Variants in PTPN3 observed in about 807,000 individuals in gnomAD.
PTPN3 encodes the protein tyrosine-protein phosphatase non-receptor type 3.
In PTPN3, 96 loss-of-function variants were observed where a neutral mutation model predicts 132.7. That is an observed-to-expected ratio of 0.72 (90% CI 0.61 to 0.86). The LOEUF (loss-of-function observed/expected upper bound fraction) is 0.86, where lower values mean the gene tolerates loss of function less well. Ranked by LOEUF, PTPN3 falls within the 40% of genes least tolerant of loss-of-function variation. PTPN3 has a pLI of 0.00. For missense variants in PTPN3, 1,125 were observed against 1,159.6 expected, an observed-to-expected ratio of 0.97 and a Z score of 0.43; for synonymous variants, 398 against 429.0, an observed-to-expected ratio of 0.93 and a Z score of 0.89.
chr9:109,474,704 C>T (rs375631723), intron 1 of PTPN3, among the ~76,000 whole-genome samples: 2 of 152,084 alleles, frequency 1.3e-5, no homozygotes, highest in East Asian at 1.9e-4. Flanking sequence ...GAAATCTTAG[C>T]GAAATCTCAG....
intron 25 of PTPN3, among the ~76,000 whole-genome samples, chr9:109,381,051 A>C (rs1839033906): frequency 6.6e-6 from 1 of 152,138 alleles, no homozygotes; most frequent in South Asian, 2.1e-4. Context: ...GATGGTCCCC[A>C]TTTTGCACAG....
intron 12 of PTPN3, among the ~76,000 whole-genome samples, chr9:109,423,629 T>C (rs906916505): frequency 2.6e-5 from 4 of 152,016 alleles, no homozygotes; most frequent in African/African-American, 9.7e-5. Flanking sequence ...TTATACAGAG[T>C]TTCAGGCTAC....
intron 1 of PTPN3, among the ~76,000 whole-genome samples, chr9:109,494,843 T>C (rs1314435980): frequency 6.6e-6 from 1 of 152,122 alleles, no homozygotes; most frequent in Non-Finnish European, 1.5e-5. Flanking sequence ...TGGTAGAGAC[T>C]CAATAAATGT....
chr9:109,491,190 A>G (rs1269733194), intron 1 of PTPN3, among the ~76,000 whole-genome samples: 2 of 140,386 alleles, frequency 1.4e-5, no homozygotes, highest in African/African-American at 5.4e-5. Flanking sequence ...AGTGAGGGAC[A>G]CTCTCTCTCA....
intron 10 of PTPN3, 150 bp downstream of exon 10, chr9:109,432,923 T>C (rs985231063): frequency 7.4e-6 from 10 of 1,360,488 alleles, no homozygotes; most frequent in Middle Eastern, 5.0e-4. Context: ...GTACCAAATC[T>C]GGACCAAATT....
intron 1 of PTPN3, among the ~76,000 whole-genome samples, chr9:109,493,326 C>T (rs1847541086): frequency 1.3e-5 from 2 of 152,228 alleles, no homozygotes; most frequent in Non-Finnish European, 1.5e-5. Context: ...GTGGTTACTT[C>T]ATCTCTCTGA....
chr9:109,461,803 C>T (rs2132043275), intron 2 of PTPN3, among the ~76,000 whole-genome samples: 1 of 151,994 alleles, frequency 6.6e-6, no homozygotes, highest in South Asian at 2.1e-4. Context: ...TTCAAATGTC[C>T]AATTGCCACA....
intron 24 of PTPN3, 44 bp downstream of exon 24, chr9:109,382,258 A>G (rs1839166305): frequency 1.3e-6 from 2 of 1,599,752 alleles, no homozygotes; most frequent in African/African-American, 2.7e-5. Flanking sequence ...GCCTTTTCCG[A>G]CAGGGAAAGG....
upstream of PTPN3, among the ~76,000 whole-genome samples, chr9:109,498,700 A>G (rs1003032660): frequency 1.3e-5 from 2 of 152,174 alleles, no homozygotes; most frequent in African/African-American, 2.4e-5. This position sits in a 1 kb window ranked among gnomAD's most constrained non-coding sequence, Gnocchi z 4.2. Context: ...CCTTGGCACT[A>G]GTAAGCTTCC....
rs1019640463 is a variant in PTPN3 at position 109,377,934 on chromosome 9, G to C, written c.*1622C>G. 3 of 152,212 alleles carry C rather than the reference G, an allele frequency of 2.0e-5. No individual in the cohort carries two copies. Among genetic ancestry groups the C allele is most frequent in the African/African-American group, 7.2e-5 (3 of 41,526 alleles). 9.4% of individuals were successfully genotyped at this position (152,212 alleles called of 1,614,324 possible). ...TGGTGGTTTCTTGTTTTCAATATGG[G>C]GTTATGGTACTGTGTGACATCTCCC... is the stretch of plus-strand genomic sequence containing the variant. On this transcript the variant is annotated 3_prime_UTR_variant, in exon 26 of 26. Coordinates refer to ENST00000374541, the MANE Select transcript of PTPN3 (RefSeq NM_002829.4).
In PTPN3 at chr9:109,379,466, TG is replaced by T; in HGVS notation, c.*89del. On this transcript the variant is annotated 3_prime_UTR_variant, in exon 26 of 26. Transcript: ENST00000374541. ...GTGCCCATTCCTTTCCCACAGCTAC[TG>T]GTTCCTCTTGCTGCTTCCAGAGAGG... 1 of 1,204,308 alleles carries T rather than the reference TG, an allele frequency of 8.3e-7. No individual in the cohort carries two copies. The highest frequency in any genetic ancestry group is 1.2e-6 in the Non-Finnish European group (1 of 816,762). The allele number at this position is 1,204,308 out of a possible 1,614,324, so 74.6% of individuals were successfully genotyped here.
At chr9:109,430,325 C>G (rs3793530) in intron 10 of PTPN3, among the ~76,000 whole-genome samples, 4 of 152,124 alleles carry the variant, frequency 2.6e-5, no homozygotes, top group Non-Finnish European at 5.9e-5. Flanking sequence ...TTACTCCCCC[C>G]ACCCCTGGCT....
chr9:109,379,325 T>G lies in PTPN3; in HGVS notation c.*231A>C, dbSNP rs1339319329. The G allele has an allele frequency of 5.7e-6, 3 of 527,980 alleles. No individual in the cohort carries two copies. Among genetic ancestry groups the G allele is most frequent in the Non-Finnish European group, 1.0e-5 (3 of 296,408 alleles). The allele number at this position is 527,980 out of a possible 1,614,324, so 32.7% of individuals were successfully genotyped here. A position where few individuals can be genotyped will look rare whatever the true frequency, so the allele number is the denominator to read the frequency against. On this transcript the variant is annotated 3_prime_UTR_variant, in exon 26 of 26. Coordinates refer to ENST00000374541, the MANE Select transcript of PTPN3 (RefSeq NM_002829.4). Reference sequence around the variant, plus strand: ...ACAGGCCCCAAACTGAGATCCTTTTTGTATCTTTCCATAGAAATACAGGCC... The same window carrying G: ...ACAGGCCCCAAACTGAGATCCTTTTGGTATCTTTCCATAGAAATACAGGCC...
chr9:109,415,254 C>G (rs1310807053), intron 14 of PTPN3, among the ~76,000 whole-genome samples: 1 of 152,084 alleles, frequency 6.6e-6, no homozygotes, highest in Non-Finnish European at 1.5e-5. Flanking sequence ...TACAATTAAC[C>G]AAGTAATAAT....
intron 1 of PTPN3, among the ~76,000 whole-genome samples, chr9:109,464,960 T>C (rs1476225240): frequency 1.3e-5 from 2 of 152,228 alleles, no homozygotes; most frequent in South Asian, 4.1e-4. Flanking sequence ...GAGATGCTTT[T>C]AACATTCTAT....
At position 109,410,262 on chromosome 9, in the gene PTPN3, G is replaced by A. The variant is rs1377212259; in HGVS notation, c.1467C>T (p.Ser489=). The change falls in exon 15 of 26, where the codon TCC becomes TCT. Residue 489 remains serine (S), a synonymous_variant. Transcript: ENST00000374541. ...AGTAGTACTGGCTGGCGTCCTCGGT[G>A]GAGCCCCCTTTGGTCACCCTGTGGA... is the stretch of plus-strand genomic sequence containing the variant. ...DDFHRVTKGG[S]TEDASQYYCD... 9.3e-6 allele frequency: 15 copies of A among 1,614,050 alleles called. No homozygotes were observed. Among genetic ancestry groups the A allele is most frequent in the Non-Finnish European group, 1.3e-5 (15 of 1,180,030 alleles).
chr9:109,383,331 G>C, intron 23 of PTPN3, 92 bp downstream of exon 23: 1 of 1,601,812 alleles, frequency 6.2e-7, no homozygotes, highest in East Asian at 2.2e-5. Context: ...GGTGCAAACA[G>C]AGTGCACACC....
upstream of PTPN3, among the ~76,000 whole-genome samples, chr9:109,502,863 A>G (rs1847877791): frequency 6.6e-6 from 1 of 152,204 alleles, no homozygotes. Flanking sequence ...CCTGTATTTC[A>G]ATTTAATGCA....
chr9:109,457,069 A>G, intron 4 of PTPN3, 104 bp downstream of exon 4: 1 of 1,224,354 alleles, frequency 8.2e-7, no homozygotes, highest in Non-Finnish European at 1.2e-6. Flanking sequence ...GGACACCCGG[A>G]ACTACAGGTA....
Sources: allele counts gnomAD v4.1 joint callset (sites outside exome capture counted in the v4.1 genomes callset), GRCh38; gene constraint gnomAD v4.1.1; non-coding constraint Gnocchi (gnomAD v3.1); transcripts MANE v1.5; gene names NCBI Gene and HGNC (gene_info 2026-07-23, HGNC 2026-07-21).